Variants in ARHGAP26 observed in about 807,000 individuals in gnomAD.
ARHGAP26 encodes the protein Rho GTPase activating protein 26, also known as rho GTPase-activating protein 26.
A neutral mutation model predicts 104.8 loss-of-function variants in ARHGAP26; 38 were observed. The observed-to-expected ratio is 0.36, with a 90% confidence interval of 0.28 to 0.48. ARHGAP26 has a LOEUF of 0.48. Ranked by LOEUF, ARHGAP26 falls within the 20% of genes least tolerant of loss-of-function variation. The pLI is 0.99. For missense variants in ARHGAP26, 704 were observed against 947.9 expected (o/e 0.74, Z 3.38); for synonymous variants, 341 against 340.0 (o/e 1.00, Z -0.03).
chr5:142,905,369 A>T (rs1396750002), intron 8 of ARHGAP26, among the ~76,000 whole-genome samples: 1 of 151,524 alleles, frequency 6.6e-6, no homozygotes. Context: ...CACAGTCCAG[A>T]GCACATGATG....
chr5:142,932,005 T>C, intron 10 of ARHGAP26, 42 bp from the exon 11 acceptor site: 3 of 1,571,336 alleles, frequency 1.9e-6, no homozygotes, highest in Non-Finnish European at 2.6e-6. Context: ...TCTCTCTACA[T>C]GTGGCACTGG....
chr5:142,795,727 G>T (rs973599030), intron 1 of ARHGAP26, among the ~76,000 whole-genome samples: 4 of 152,144 alleles, frequency 2.6e-5, no homozygotes, highest in African/African-American at 4.8e-5. Flanking sequence ...AAGAGAGAAT[G>T]TTAGAATTGT....
intron 1 of ARHGAP26, among the ~76,000 whole-genome samples, chr5:142,837,688 A>G (rs1170900388): frequency 6.6e-6 from 1 of 152,206 alleles, no homozygotes; most frequent in African/African-American, 2.4e-5. Flanking sequence ...GTATTTCGTA[A>G]GATCCCTGAT....
intron 17 of ARHGAP26, among the ~76,000 whole-genome samples, chr5:143,080,892 G>C (rs1016152512): frequency 2.0e-5 from 3 of 152,090 alleles, no homozygotes; most frequent in African/African-American, 7.2e-5. Flanking sequence ...GCAGATGAAA[G>C]ACACTGGGGC....
At chr5:143,194,294 A>G (rs1017506477) in intron 20 of ARHGAP26, 2 of 152,222 alleles carry the variant, frequency 1.3e-5, no homozygotes, top group Admixed American at 6.5e-5. Flanking sequence ...GTTTGTACTT[A>G]CAGTGCACAG....
At chr5:142,771,659 C>G (rs1755237173) in intron 1 of ARHGAP26, among the ~76,000 whole-genome samples, 1 of 152,210 alleles carries the variant, frequency 6.6e-6, no homozygotes, top group Admixed American at 6.5e-5. Context: ...CTCCCAAGCT[C>G]TCCTTTTTAC....
At chr5:142,976,797 AT>A (rs1208934396) in intron 11 of ARHGAP26, among the ~76,000 whole-genome samples, 1 of 152,188 alleles carries the variant, frequency 6.6e-6, no homozygotes, top group African/African-American at 2.4e-5. Flanking sequence ...GAACTAGAGA[AT>A]TTAGATTTTG....
chr5:142,823,003 A>G (rs1284753765), intron 1 of ARHGAP26, among the ~76,000 whole-genome samples: 1 of 152,246 alleles, frequency 6.6e-6, no homozygotes, highest in Non-Finnish European at 1.5e-5. Flanking sequence ...AATAGCAGCT[A>G]TCATTTATTG....
chr5:143,128,709 C>G lies in ARHGAP26; in HGVS notation c.1699-5258C>G, dbSNP rs116940773. Among the ~76,000 whole-genome samples the G allele has an allele frequency of 3.5e-3, 532 of 152,302 alleles. 16 individuals carry two copies. The East Asian group carries it at 0.074, about 21-fold the overall frequency. ...TGAGCTGTGCTCAACTGTTGTAGGTCTACTTTCCTAATGCGTCAAACAAAC... is the reference window on the plus strand; with the variant it reads ...TGAGCTGTGCTCAACTGTTGTAGGTGTACTTTCCTAATGCGTCAAACAAAC... On this transcript the variant is annotated intron_variant, in intron 18 of 22. Transcript: ENST00000645722.
At chr5:143,118,914 A>C (rs965033512) in intron 17 of ARHGAP26, among the ~76,000 whole-genome samples, 1 of 151,740 alleles carries the variant, frequency 6.6e-6, no homozygotes, top group African/African-American at 2.4e-5. Flanking sequence ...CATTGTGCAC[A>C]TGTACCCTAA....
At chr5:142,869,792 T>C (rs1193388329) in intron 1 of ARHGAP26, among the ~76,000 whole-genome samples, 1 of 152,228 alleles carries the variant, frequency 6.6e-6, no homozygotes, top group African/African-American at 2.4e-5. Context: ...CTATTTGGGT[T>C]AAATTCTCTT....
rs370275724 is a variant in ARHGAP26 at position 142,924,210 on chromosome 5, C to T, written c.1029-7837C>T. 8.5e-5 allele frequency among the ~76,000 whole-genome samples: 13 copies of T among 152,176 alleles called. No homozygotes were observed. In the East Asian group the frequency reaches 1.9e-3, roughly 23 times the overall value. On this transcript the variant is annotated intron_variant, in intron 10 of 22. Transcript: ENST00000645722. ...TAGAGGGTTGACCCTTGCTTCCTCC[C>T]TCCCTCCTCTTTCCAACTCTCCTTC...
chr5:142,826,933 C>CA (rs1432744878), intron 1 of ARHGAP26, among the ~76,000 whole-genome samples: 1 of 152,126 alleles, frequency 6.6e-6, no homozygotes, highest in African/African-American at 2.4e-5. Flanking sequence ...TCAGACCTGT[C>CA]ATTATGTGCT....
At chr5:142,902,354 C>T (rs537866774) in intron 7 of ARHGAP26, among the ~76,000 whole-genome samples, 1 of 152,320 alleles carries the variant, frequency 6.6e-6, no homozygotes, top group East Asian at 1.9e-4. Context: ...CCAGCCCAAC[C>T]CAGCCTCCAT....
At chr5:143,037,648 T>C (rs1036027758) in intron 13 of ARHGAP26, among the ~76,000 whole-genome samples, 61 of 152,352 alleles carry the variant, frequency 4.0e-4, no homozygotes, top group African/African-American at 1.4e-3. Context: ...AAGATATCCA[T>C]AATAATTGTA....
intron 22 of ARHGAP26, among the ~76,000 whole-genome samples, chr5:143,217,782 C>T (rs183501386): frequency 1.3e-4 from 20 of 152,318 alleles, no homozygotes; most frequent in Non-Finnish European, 2.1e-4. Flanking sequence ...TTCCACTGGC[C>T]GCCTGACACA....
At chr5:143,003,513 C>T (rs1338222590) in intron 11 of ARHGAP26, among the ~76,000 whole-genome samples, 1 of 152,158 alleles carries the variant, frequency 6.6e-6, no homozygotes, top group Non-Finnish European at 1.5e-5. Context: ...GATCACTTCC[C>T]CTAAACCCTG....
At chr5:142,875,079 T>G in intron 2 of ARHGAP26, 31 bp from the exon 3 acceptor site, 1 of 1,600,178 alleles carries the variant, frequency 6.2e-7, no homozygotes, top group East Asian at 2.2e-5. Context: ...ATGACACTCC[T>G]TCCACCTCAT....
intron 14 of ARHGAP26, among the ~76,000 whole-genome samples, chr5:143,051,003 A>G (rs1784931648): frequency 6.6e-6 from 1 of 152,238 alleles, no homozygotes; most frequent in Non-Finnish European, 1.5e-5. Context: ...TGTTAGAGAT[A>G]GGAAATGCAC....
Sources: gnomAD v4.1 joint callset for allele counts (sites outside exome capture counted in the v4.1 genomes callset) on GRCh38, gnomAD v4.1.1 for gene constraint, MANE v1.5 for transcripts, NCBI Gene and HGNC (gene_info 2026-07-23, HGNC 2026-07-21) for gene names.